Variants in PDCD11 observed in about 807,000 individuals in gnomAD.
PDCD11 encodes the protein protein RRP5 homolog.
A neutral mutation model predicts 198.9 loss-of-function variants in PDCD11; 97 were observed. The ratio of observed to expected loss-of-function variants is 0.49; its 90% CI spans 0.41 to 0.58. The LOEUF (loss-of-function observed/expected upper bound fraction) is 0.58. Among genes scored for constraint, PDCD11 ranks in the 20% least tolerant of loss-of-function variants. The pLI, the probability that PDCD11 is intolerant of heterozygous loss-of-function variation, is 0.00. For missense variants in PDCD11, 2,102 were observed against 2,312.7 expected (o/e 0.91, Z 1.87); for synonymous variants, 893 against 918.0 (o/e 0.97, Z 0.49).
In PDCD11 at chr10:103,434,030, G is replaced by A; in HGVS notation, c.3557G>A (p.Ser1186Asn). Residue 1186 changes from serine to asparagine, a missense_variant, in exon 23 of 36, where the codon AGC (serine) becomes AAC (asparagine). By Grantham distance (46) the Ser-to-Asn change is conservative. Coordinates refer to ENST00000369797, the MANE Select transcript of PDCD11 (RefSeq NM_014976.2). The stretch of plus-strand genomic sequence containing the variant: ...ATTCCCTTATTGCTCACTTCTCTGA[G>A]CTTCAAGGTCAGTGTGCTTGAGATC... ...GRIPLLLTSL[S>N]FKVLKHPDKK... The A allele has an allele frequency of 1.2e-6, 2 of 1,612,312 alleles. No homozygotes were observed. Among genetic ancestry groups the A allele is most frequent in the Non-Finnish European group, 8.5e-7 (1 of 1,178,328 alleles).
intron 9 of PDCD11, 102 bp from the exon 10 acceptor site, chr10:103,413,864 T>C: frequency 8.9e-7 from 1 of 1,127,572 alleles, no homozygotes; most frequent in South Asian, 2.1e-5. Flanking sequence ...GTACTGTTTT[T>C]ATGGTACATG....
chr10:103,445,608 T>A lies in PDCD11; in HGVS notation c.*59T>A. 2.7e-6 allele frequency: 4 copies of A among 1,487,626 alleles called. No homozygotes were observed. The highest frequency in any genetic ancestry group is 3.7e-6 in the Non-Finnish European group (4 of 1,082,148). 92.2% of individuals were successfully genotyped at this position (1,487,626 alleles called of 1,614,324 possible). A position where few individuals can be genotyped will look rare whatever the true frequency, so the allele number is the denominator to read the frequency against. On this transcript the variant is annotated 3_prime_UTR_variant, in exon 36 of 36. Coordinates refer to ENST00000369797, the MANE Select transcript of PDCD11 (RefSeq NM_014976.2). ...TGGGCCAGCCCGGCCCCGCCTCGAGTGCCTGGGCACTCGGAAAACTGTTAC... is the reference window on the plus strand; with the variant it reads ...TGGGCCAGCCCGGCCCCGCCTCGAGAGCCTGGGCACTCGGAAAACTGTTAC...
intron 16 of PDCD11, among the ~76,000 whole-genome samples, chr10:103,420,786 G>A (rs1421758516): frequency 6.6e-6 from 1 of 152,184 alleles, no homozygotes; most frequent in Non-Finnish European, 1.5e-5. Context: ...GACAGCCCTG[G>A]TGTCTGCCTG....
intron 21 of PDCD11, among the ~76,000 whole-genome samples, chr10:103,430,670 G>A (rs191618328): frequency 4.0e-5 from 6 of 151,208 alleles, no homozygotes; most frequent in East Asian, 1.9e-4. Flanking sequence ...CCATCCTGCC[G>A]GGGTAAGGTG....
Position 103,403,133 on chromosome 10 carries a change from A to G in PDCD11, c.250A>G (p.Met84Val), listed in dbSNP as rs1486075204. The change falls in exon 4 of 36, where the codon ATG (methionine) becomes GTG (valine). Residue 84 changes from methionine to valine, a missense_variant. Coordinates refer to ENST00000369797, the MANE Select transcript of PDCD11 (RefSeq NM_014976.2). ...TCTCTTCTAGTCCCTGTGTGAGGGA[A>G]TGCGTATTTTGGGTTGCGTGAAAGA... Reference protein sequence around the residue: ...ILSVESLCEGMRILGCVKEVN... With the variant: ...ILSVESLCEGVRILGCVKEVN... 1 of 1,613,984 alleles carries G rather than the reference A, an allele frequency of 6.2e-7. No homozygotes were observed. Among genetic ancestry groups the G allele is most frequent in the Non-Finnish European group, 8.5e-7 (1 of 1,179,990 alleles).
At chr10:103,425,563 A>ATTG (rs938347894) in intron 20 of PDCD11, 38 bp downstream of exon 20, 1 of 1,566,290 alleles carries the variant, frequency 6.4e-7, no homozygotes, top group Admixed American at 1.7e-5. Context: ...TTCGAGGGAG[A>ATTG]TTGTTGTTGT....
intron 3 of PDCD11, 122 bp downstream of exon 3, chr10:103,400,650 T>C (rs2029974758): frequency 4.1e-6 from 4 of 981,962 alleles, no homozygotes; most frequent in Non-Finnish European, 6.1e-6. Context: ...TATATTATAT[T>C]TCATGCGTGT....
intron 2 of PDCD11, chr10:103,399,618 G>T (rs922001563): frequency 6.6e-6 from 1 of 152,174 alleles, no homozygotes; most frequent in Admixed American, 6.6e-5. Flanking sequence ...TTGGGGAAAG[G>T]GAACTAACAT....
intron 16 of PDCD11, among the ~76,000 whole-genome samples, 194 bp from the exon 17 acceptor site, chr10:103,421,154 G>T (rs980558690): frequency 6.6e-6 from 1 of 152,152 alleles, no homozygotes; most frequent in African/African-American, 2.4e-5. Flanking sequence ...GATTACAGGC[G>T]TGAGCCACTG....
intron 17 of PDCD11, among the ~76,000 whole-genome samples, 188 bp downstream of exon 17, chr10:103,421,755 G>A (rs950057011): frequency 6.6e-6 from 1 of 151,664 alleles, no homozygotes; most frequent in Non-Finnish European, 1.5e-5. Flanking sequence ...ATGAGGTCAG[G>A]AGATCGAGAC....
In PDCD11 at chr10:103,446,234, T is replaced by A. The variant is rs1010558357; in HGVS notation, c.*685T>A. The A allele has an allele frequency of 2.4e-4, 37 of 152,294 alleles. No homozygotes were observed. Among genetic ancestry groups the A allele is most frequent in the African/African-American group, 8.7e-4 (36 of 41,460 alleles). The allele number at this position is 152,294 out of a possible 1,614,324, so 9.4% of individuals were successfully genotyped here. On this transcript the variant is annotated 3_prime_UTR_variant, in exon 36 of 36. Coordinates refer to ENST00000369797, the MANE Select transcript of PDCD11 (RefSeq NM_014976.2). Reference sequence around the variant, plus strand: ...TGGAGGCCAGCACAGACCCAGCTAGTTGTTGAAGCCAGTTCTTTTTTGTCT... The same window carrying A: ...TGGAGGCCAGCACAGACCCAGCTAGATGTTGAAGCCAGTTCTTTTTTGTCT...
rs1483467156 is a variant in PDCD11 at position 103,405,968 on chromosome 10, T to C, written c.565-17T>C. On this transcript the variant is annotated splice_polypyrimidine_tract_variant and intron_variant, in intron 5 of 35. Coordinates refer to ENST00000369797, the MANE Select transcript of PDCD11 (RefSeq NM_014976.2). The stretch of plus-strand genomic sequence containing the variant: ...ACCTTTGAATTGGAACTTCTGGGAC[T>C]ACTTTCTCTTCCCCAGCTACTTACA... 6.2e-7 allele frequency: 1 copy of C among 1,612,908 alleles called. No individual in the cohort carries two copies. Among genetic ancestry groups the C allele is most frequent in the Non-Finnish European group, 8.5e-7 (1 of 1,179,226 alleles).
chr10:103,440,485 G>A lies in PDCD11; in HGVS notation c.4344G>A (p.Glu1448=), dbSNP rs2032334015. The change falls in exon 29 of 36, where the codon GAG becomes GAA. Residue 1448 remains glutamate (E), a synonymous_variant. Coordinates refer to ENST00000369797, the MANE Select transcript of PDCD11 (RefSeq NM_014976.2). The stretch of plus-strand genomic sequence containing the variant: ...AGAAGAAGAACCAGAAGGGGCAGGA[G>A]GAGGTGGAGATGCCCAGCAAGGAGA... ...RNEKKNQKGQ[E]EVEMPSKEKQ... 6.2e-7 allele frequency: 1 copy of A among 1,613,992 alleles called. No homozygotes were observed. The highest frequency in any genetic ancestry group is 2.2e-5 in the East Asian group (1 of 44,890).
rs1256631370 is a variant in PDCD11, at chr10:103,421,529, A to T, written c.2459A>T (p.Glu820Val). The T allele has an allele frequency of 6.4e-7, 1 of 1,569,878 alleles. No homozygotes were observed. Among genetic ancestry groups the T allele is most frequent in the South Asian group, 1.2e-5 (1 of 86,126 alleles). ...TSLLLLNQCL[E>V]ELQGVRSLMS... ...CTCCTCCTCCTGAATCAGTGCCTGG[A>T]GGAGCTGCAGGGCGTGCGCAGCCTT... The change falls in exon 17 of 36, where the codon GAG becomes GTG. Residue 820 changes from glutamate (E) to valine (V), a missense_variant. Glu to Val is a moderately radical substitution (Grantham distance 121, BLOSUM62 -2). Coordinates refer to ENST00000369797, the MANE Select transcript of PDCD11 (RefSeq NM_014976.2).
chr10:103,444,267 G>T, intron 34 of PDCD11, 199 bp downstream of exon 34: 1 of 631,304 alleles, frequency 1.6e-6, no homozygotes, highest in South Asian at 2.0e-5. Flanking sequence ...GGAACAAAAC[G>T]CAGTTAGTAC....
At chr10:103,430,402 T>C (rs1053891915) in intron 21 of PDCD11, among the ~76,000 whole-genome samples, 2 of 152,234 alleles carry the variant, frequency 1.3e-5, no homozygotes, top group Non-Finnish European at 2.9e-5. Context: ...TCTTGGCTAT[T>C]GTGAATAGTG....
At position 103,413,258 on chromosome 10, in the gene PDCD11, A is replaced by G. The variant is rs772396342; in HGVS notation, c.1121A>G (p.Gln374Arg). 11 of 1,614,066 alleles carry G rather than the reference A, an allele frequency of 6.8e-6. No individual in the cohort carries two copies. In the South Asian group the frequency reaches 9.9e-5, roughly 14 times the overall value. ...GCAGTGCTGGATGATGTTCCTGTCC[A>G]GGGTTTTTTCAAAAAGGCTGGGGCC... ...LGAVLDDVPVQGFFKKAGATF... is the reference protein window; with the variant it reads ...LGAVLDDVPVRGFFKKAGATF... The change falls in exon 9 of 36, where the codon CAG becomes CGG. Residue 374 changes from glutamine (Q) to arginine (R), a missense_variant. Transcript: ENST00000369797.
chr10:103,418,035 G>A, intron 14 of PDCD11, 103 bp downstream of exon 14: 1 of 1,328,328 alleles, frequency 7.5e-7, no homozygotes, highest in Non-Finnish European at 1.1e-6. Flanking sequence ...AAAGATAGAG[G>A]TAGCTAGATA....
chr10:103,415,511 C>A (rs564546570), intron 12 of PDCD11, among the ~76,000 whole-genome samples: 1 of 152,150 alleles, frequency 6.6e-6, no homozygotes, highest in East Asian at 1.9e-4. Flanking sequence ...ACAGGTATTC[C>A]GTGCCAGTTT....
Sources: gnomAD v4.1 joint callset for allele counts (sites outside exome capture counted in the v4.1 genomes callset) on GRCh38, gnomAD v4.1.1 for gene constraint, MANE v1.5 for transcripts, NCBI Gene and HGNC (gene_info 2026-07-23, HGNC 2026-07-21) for gene names.